DTX4: variants seen among roughly 807,000 people sequenced by gnomAD.
DTX4 encodes E3 ubiquitin-protein ligase DTX4.
In DTX4, 28 loss-of-function variants were observed where a neutral mutation model predicts 57.6. The observed-to-expected ratio is 0.49, with a 90% CI of 0.36 to 0.67. The LOEUF (loss-of-function observed/expected upper bound fraction) is 0.67. Ranked by LOEUF, DTX4 falls within the 30% of genes least tolerant of loss-of-function variation. The probability of loss-of-function intolerance (pLI) is 0.00; values close to 1 mark genes in which losing one functional copy is unlikely to be tolerated. For missense variants in DTX4, 715 were observed against 836.8 expected (o/e 0.85, Z 1.80); for synonymous variants, 316 against 331.0 (o/e 0.95, Z 0.49).
At chr11:59,198,703 C>T (rs10501375) in intron 7 of DTX4, among the ~76,000 whole-genome samples, 15,674 of 152,130 alleles carry the variant, frequency 0.1, 991 homozygotes, top group East Asian at 0.29. Flanking sequence ...TGATCATCTA[C>T]GTGAGAACTT....
At chr11:59,200,828 TG>T (rs1468888970) in intron 8 of DTX4, among the ~76,000 whole-genome samples, 1 of 152,136 alleles carries the variant, frequency 6.6e-6, no homozygotes, top group African/African-American at 2.4e-5. Flanking sequence ...AAGGGAGTAT[TG>T]GGGGGAATAT....
chr11:59,196,324 A>G (rs1467589323), intron 7 of DTX4, among the ~76,000 whole-genome samples: 1 of 152,264 alleles, frequency 6.6e-6, no homozygotes, highest in African/African-American at 2.4e-5. Flanking sequence ...AGGTACCTCC[A>G]GATAGTGATC....
chr11:59,195,459 C>A, intron 7 of DTX4, 90 bp downstream of exon 7: 1 of 1,413,524 alleles, frequency 7.1e-7, no homozygotes, highest in Non-Finnish European at 9.4e-7. Flanking sequence ...TATGAAGAGT[C>A]TCCTTCCCAC....
chr11:59,182,378 C>T lies in DTX4; in HGVS notation c.851C>T (p.Thr284Ile), dbSNP rs780405637. Residue 284 changes from threonine (T) to isoleucine (I), a missense_variant, in exon 2 of 9, where the codon ACC becomes ATC. Thr to Ile is a moderately conservative substitution (Grantham distance 89). Transcript: ENST00000227451. Reference protein sequence around the residue: ...PASPPGPNSKTGRVALATLNR... With the variant: ...PASPPGPNSKIGRVALATLNR... ...AGTCCCCCAGGACCCAACAGCAAGACCGGAAGGGTGGCCCTGGCCACCTTG... is the reference window on the plus strand; with the variant it reads ...AGTCCCCCAGGACCCAACAGCAAGATCGGAAGGGTGGCCCTGGCCACCTTG... 6.2e-7 allele frequency: 1 copy of T among 1,613,800 alleles called. No individual in the cohort carries two copies. Among genetic ancestry groups the T allele is most frequent in the African/African-American group, 1.3e-5 (1 of 75,058 alleles).
intron 7 of DTX4, among the ~76,000 whole-genome samples, chr11:59,196,326 A>G (rs1011770843): frequency 1.3e-5 from 2 of 152,250 alleles, no homozygotes; most frequent in Non-Finnish European, 2.9e-5. Flanking sequence ...GTACCTCCAG[A>G]TAGTGATCAT....
Position 59,172,677 on chromosome 11 carries a change from C to A in DTX4, c.82C>A (p.His28Asn). The A allele has an allele frequency of 6.2e-7, 1 of 1,600,664 alleles. No individual in the cohort carries two copies. Residue 28 changes from histidine to asparagine, a missense_variant, in exon 1 of 9, where the codon CAC becomes AAC. Physicochemically the swap from His to Asn is moderately conservative, Grantham distance 68 (BLOSUM62 1). Transcript: ENST00000227451. ...GCGTCCCTACAGCCCAGCGGTGAGCCACCACATCGAGGCGGTGGTCCGCGC... is the reference window on the plus strand; with the variant it reads ...GCGTCCCTACAGCCCAGCGGTGAGCAACCACATCGAGGCGGTGGTCCGCGC... Reference protein sequence around the residue: ...RWRPYSPAVSHHIEAVVRAGP... With the variant: ...RWRPYSPAVSNHIEAVVRAGP...
chr11:59,191,501 G>A (rs552610059), intron 5 of DTX4, among the ~76,000 whole-genome samples: 3 of 152,344 alleles, frequency 2.0e-5, no homozygotes, highest in Admixed American at 6.5e-5. Flanking sequence ...TTCTCAACCA[G>A]AGACAATTTG....
rs1862809843 is a variant in DTX4, at chr11:59,206,448, TG to T, written c.*1544del. 1 of 152,052 alleles carries T rather than the reference TG, an allele frequency of 6.6e-6. No homozygotes were observed. The highest frequency in any genetic ancestry group is 6.6e-5 in the Admixed American group (1 of 15,230). The allele number at this position is 152,052 out of a possible 1,614,324, so 9.4% of individuals were successfully genotyped here. On this transcript the variant is annotated 3_prime_UTR_variant, in exon 9 of 9. Coordinates refer to ENST00000227451, the MANE Select transcript of DTX4 (RefSeq NM_015177.2). The stretch of plus-strand genomic sequence containing the variant: ...AAGTGGGTTCTTTGAACTATGTGTT[TG>T]GGGGAAGTTCCTCTGGATACTAATT...
chr11:59,198,494 T>C (rs1313723315), intron 7 of DTX4, among the ~76,000 whole-genome samples: 1 of 152,208 alleles, frequency 6.6e-6, no homozygotes. Flanking sequence ...TGAGACCCCA[T>C]TGCATTTACC....
At chr11:59,194,587 C>A (rs568172231) in intron 6 of DTX4, among the ~76,000 whole-genome samples, 12 of 152,206 alleles carry the variant, frequency 7.9e-5, no homozygotes, top group South Asian at 2.1e-4. Context: ...ATTCTCCCAA[C>A]AACCCGATGA....
intron 6 of DTX4, among the ~76,000 whole-genome samples, chr11:59,194,540 C>A (rs1862638540): frequency 6.6e-6 from 1 of 152,200 alleles, no homozygotes; most frequent in African/African-American, 2.4e-5. Flanking sequence ...TTTAGATACA[C>A]CACATGCTAA....
chr11:59,181,224 A>G (rs1292076369), intron 1 of DTX4, among the ~76,000 whole-genome samples: 3 of 152,184 alleles, frequency 2.0e-5, no homozygotes, highest in Admixed American at 2.0e-4. Context: ...GATCATTATG[A>G]GCACCTACTG....
Position 59,192,241 on chromosome 11 carries a change from T to A in DTX4, c.1365T>A (p.Asn455Lys). 1 of 1,613,976 alleles carries A rather than the reference T, an allele frequency of 6.2e-7. No individual in the cohort carries two copies. Among genetic ancestry groups the A allele is most frequent in the Middle Eastern group, 1.7e-4 (1 of 6,058 alleles). The change falls in exon 6 of 9, where the codon AAT becomes AAA. Residue 455 changes from asparagine to lysine, a missense_variant. Coordinates refer to ENST00000227451, the MANE Select transcript of DTX4 (RefSeq NM_015177.2). Reference protein sequence around the residue: ...HIYCLVAMYNNGNKDGSLQCP... With the variant: ...HIYCLVAMYNKGNKDGSLQCP... ...ACTGCTTGGTTGCCATGTACAACAA[T>A]GGGAACAAGGTCAGTGCCAGCCTAT... is the stretch of plus-strand genomic sequence containing the variant.
At chr11:59,188,833 A>G (rs763506206) in intron 3 of DTX4, 37 bp downstream of exon 3, 1 of 1,556,462 alleles carries the variant, frequency 6.4e-7, no homozygotes, top group Non-Finnish European at 8.8e-7. Flanking sequence ...GTTAAGGTAG[A>G]GAAATCAGAG....
intron 8 of DTX4, 61 bp from the exon 9 acceptor site, chr11:59,204,615 A>G (rs980677369): frequency 6.8e-7 from 1 of 1,473,976 alleles, no homozygotes; most frequent in Non-Finnish European, 9.3e-7. Context: ...CTACCGTCCA[A>G]GGGATAGTCT....
At chr11:59,188,281 T>C (rs1461705635) in intron 2 of DTX4, among the ~76,000 whole-genome samples, 1 of 152,168 alleles carries the variant, frequency 6.6e-6, no homozygotes, top group African/African-American at 2.4e-5. Context: ...CAATATTCAA[T>C]ACTATGGTCT....
rs769533522 is a variant in DTX4, at chr11:59,206,275, G to A, written c.*1366G>A. 16 of 152,400 alleles carry A rather than the reference G, an allele frequency of 1.0e-4. No individual in the cohort carries two copies. The highest frequency in any genetic ancestry group is 1.8e-4 in the Non-Finnish European group (12 of 68,024). 9.4% of individuals were successfully genotyped at this position (152,400 alleles called of 1,614,324 possible). ...CCTAATGGAGTTGGGATCACAATAT[G>A]GTCTGGTCCAATCTGCATCTTGTTG... On this transcript the variant is annotated 3_prime_UTR_variant, in exon 9 of 9. Coordinates refer to ENST00000227451, the MANE Select transcript of DTX4 (RefSeq NM_015177.2).
chr11:59,187,248 G>A (rs546507719), intron 2 of DTX4, among the ~76,000 whole-genome samples: 3 of 152,368 alleles, frequency 2.0e-5, no homozygotes, highest in African/African-American at 7.2e-5. Context: ...TCTGGTGCCA[G>A]ATTTTCTGGC....
At position 59,199,728 on chromosome 11, in the gene DTX4, C is replaced by A. The variant is rs1211830703; in HGVS notation, c.1581C>A (p.Gly527=). The change falls in exon 8 of 9, where the codon GGC becomes GGA. Residue 527 remains glycine, a synonymous_variant. Transcript: ENST00000227451. ...CTGGGAAGAGTTTCAGCGCCCGAGG[C>A]TTCCCACGACACTGTTACCTTCCGG... ...PNPGKSFSAR[G]FPRHCYLPDS... 1 of 1,575,788 alleles carries A rather than the reference C, an allele frequency of 6.3e-7. No individual in the cohort carries two copies. Among genetic ancestry groups the A allele is most frequent in the Middle Eastern group, 1.7e-4 (1 of 6,022 alleles).
Sources: allele counts gnomAD v4.1 joint callset (sites outside exome capture counted in the v4.1 genomes callset), GRCh38; gene constraint gnomAD v4.1.1; transcripts MANE v1.5; gene names NCBI Gene and HGNC (gene_info 2026-07-23, HGNC 2026-07-21).